Variants in DACH2 observed in about 807,000 individuals in gnomAD.
DACH2 encodes dachshund homolog 2.
A neutral mutation model predicts 35.8 loss-of-function variants in DACH2; 17 were observed. That is an observed-to-expected ratio of 0.48 (90% CI 0.33 to 0.71). The LOEUF (loss-of-function observed/expected upper bound fraction) is 0.71. DACH2 is among the 30% of genes least tolerant of loss of function. DACH2 has a pLI of 0.02. For missense variants in DACH2, 469 were observed against 472.7 expected, an observed-to-expected ratio of 0.99 and a Z score of 0.07; for synonymous variants, 195 against 177.3, an observed-to-expected ratio of 1.10 and a Z score of -0.79.
chrX:86,541,728 T>C (rs2038884960), intron 3 of DACH2, among the ~76,000 whole-genome samples: 1 of 111,817 alleles, frequency 8.9e-6, no homozygotes, highest in African/African-American at 3.2e-5. Flanking sequence ...TAGTATACAT[T>C]ATCTTATTTG....
At chrX:86,168,309 T>C (rs2031010496) in intron 1 of DACH2, among the ~76,000 whole-genome samples, 1 of 111,707 alleles carries the variant, frequency 9.0e-6, no homozygotes, top group Non-Finnish European at 1.9e-5. Context: ...TCTCTTTTTA[T>C]AGATTTTGTC....
intron 2 of DACH2, among the ~76,000 whole-genome samples, chrX:86,425,317 C>A (rs960690439): frequency 5.4e-5 from 6 of 110,486 alleles, no homozygotes; most frequent in Admixed American, 2.9e-4. Context: ...CCTGCATTTT[C>A]TTTACTAGAA....
chrX:86,200,083 G>A (rs113407522), intron 1 of DACH2, among the ~76,000 whole-genome samples: 6,445 of 111,137 alleles, frequency 0.058, 498 homozygotes, highest in African/African-American at 0.2. Context: ...CATGGTACTG[G>A]TATAAGAACA....
chrX:86,246,483 A>G (rs1183942276), intron 1 of DACH2, among the ~76,000 whole-genome samples: 1 of 112,382 alleles, frequency 8.9e-6, no homozygotes, highest in East Asian at 2.8e-4. Flanking sequence ...CAGAGACGCT[A>G]TAATCCAGAA....
chrX:86,674,222 A>C (rs116839397), intron 4 of DACH2, among the ~76,000 whole-genome samples: 6,726 of 112,063 alleles, frequency 0.06, 493 homozygotes, highest in African/African-American at 0.21. Context: ...CTCAGAGGAC[A>C]TTGTTCATTA....
At chrX:86,464,472 A>G (rs1236480645) in intron 2 of DACH2, among the ~76,000 whole-genome samples, 1 of 110,798 alleles carries the variant, frequency 9.0e-6, no homozygotes, top group African/African-American at 3.3e-5. Context: ...TGAACCATGA[A>G]AACACATGGA....
chrX:86,362,709 C>T (rs1025169434), intron 1 of DACH2, among the ~76,000 whole-genome samples: 18 of 110,937 alleles, frequency 1.6e-4, no homozygotes, highest in Middle Eastern at 4.7e-3. Flanking sequence ...TTTCTAGAGC[C>T]GGTGCAAACA....
At chrX:86,256,416 A>G (rs67691346) in intron 1 of DACH2, among the ~76,000 whole-genome samples, 9,497 of 111,098 alleles carry the variant, frequency 0.085, 1,023 homozygotes, top group African/African-American at 0.29. Context: ...TAATGCATTG[A>G]ATTAAGGAAG....
At chrX:86,710,030 T>C (rs1456220078) in intron 5 of DACH2, among the ~76,000 whole-genome samples, 2 of 111,999 alleles carry the variant, frequency 1.8e-5, no homozygotes, top group East Asian at 5.6e-4. Context: ...TACAAATCAA[T>C]GGAGAACTTA....
chrX:86,750,443 A>G lies in DACH2; in HGVS notation c.1240+10561A>G, dbSNP rs754379001. Among the ~76,000 whole-genome samples, 6 of 111,934 alleles carry G rather than the reference A, an allele frequency of 5.4e-5. No individual in the cohort carries two copies. In the South Asian group the frequency reaches 2.2e-3, roughly 41 times the overall value. On this transcript the variant is annotated intron_variant, in intron 7 of 11. Transcript: ENST00000373125. Reference sequence around the variant, plus strand: ...TATTATTCTTTGTTGTAAAAACTTAATATGCTTAATATGAGACCTACCATC... The same window carrying G: ...TATTATTCTTTGTTGTAAAAACTTAGTATGCTTAATATGAGACCTACCATC...
At chrX:86,478,141 A>G (rs1490538859) in intron 2 of DACH2, among the ~76,000 whole-genome samples, 1 of 111,968 alleles carries the variant, frequency 8.9e-6, no homozygotes, top group Non-Finnish European at 1.9e-5. Context: ...TTAACATACC[A>G]CAATTACAGT....
At chrX:86,550,535 C>T (rs2039034771) in intron 3 of DACH2, among the ~76,000 whole-genome samples, 1 of 110,582 alleles carries the variant, frequency 9.0e-6, no homozygotes, top group African/African-American at 3.3e-5. Flanking sequence ...ACCAAAAGTC[C>T]TTTATTTTTC....
chrX:86,529,179 G>A (rs2038676047), intron 3 of DACH2, among the ~76,000 whole-genome samples: 1 of 111,374 alleles, frequency 9.0e-6, no homozygotes, highest in South Asian at 3.8e-4. Context: ...CAGTAGCTAG[G>A]ACTATAGGCA....
At chrX:86,667,530 AAAGAAAGAAAGAAAG>A (rs1230488969) in intron 4 of DACH2, among the ~76,000 whole-genome samples, 128 of 62,957 alleles carry the variant, frequency 2.0e-3, no homozygotes, top group African/African-American at 7.9e-3. Flanking sequence ...AGAAAGAAAG[AAAGAAAGAAAGAAAG>A]AAGAAAGAAA....
At chrX:86,292,636 C>T (rs996837561) in intron 1 of DACH2, among the ~76,000 whole-genome samples, 3 of 110,454 alleles carry the variant, frequency 2.7e-5, no homozygotes, top group Non-Finnish European at 3.8e-5. Context: ...TCTTTGTTCT[C>T]ATTGGTTTCA....
intron 11 of DACH2, among the ~76,000 whole-genome samples, chrX:86,825,274 A>T (rs959259565): frequency 4.5e-5 from 5 of 110,664 alleles, no homozygotes; most frequent in Non-Finnish European, 9.5e-5. Context: ...AAAAATAGCC[A>T]GGTGTGATGG....
intron 2 of DACH2, among the ~76,000 whole-genome samples, chrX:86,433,202 C>T (rs1000767118): frequency 2.7e-5 from 3 of 111,624 alleles, no homozygotes; most frequent in Non-Finnish European, 5.7e-5. Flanking sequence ...AAAGATGATA[C>T]AAAAAGTGTC....
intron 1 of DACH2, among the ~76,000 whole-genome samples, chrX:86,219,034 T>C (rs750582813): frequency 2.8e-4 from 32 of 112,318 alleles, no homozygotes; most frequent in African/African-American, 9.7e-4. Flanking sequence ...TTATAGCTTT[T>C]CTTTTAATAC....
At chrX:86,457,128 G>T (rs1474001276) in intron 2 of DACH2, among the ~76,000 whole-genome samples, 1 of 111,305 alleles carries the variant, frequency 9.0e-6, no homozygotes, top group Admixed American at 9.6e-5. Context: ...GGATATGAGG[G>T]TGGGGCTAAG....
Sources: allele counts gnomAD v4.1 joint callset (sites outside exome capture counted in the v4.1 genomes callset), GRCh38; gene constraint gnomAD v4.1.1; transcripts MANE v1.5; gene names NCBI Gene and HGNC (gene_info 2026-07-23, HGNC 2026-07-21).